The following RSRC1 variants were observed in gnomAD, a reference collection of about 807,000 sequenced individuals.
RSRC1 encodes serine/Arginine-related protein 53.
In RSRC1, 39 loss-of-function variants were observed where a neutral mutation model predicts 49.1. The ratio of observed to expected loss-of-function variants is 0.79; its 90% CI spans 0.61 to 1.04. The LOEUF (loss-of-function observed/expected upper bound fraction) is 1.04. Ranked by LOEUF, RSRC1 falls within the 50% of genes least tolerant of loss-of-function variation. The pLI is 0.00. For synonymous variants in RSRC1, 143 were observed against 130.8 expected, an observed-to-expected ratio of 1.09 and a Z score of -0.63; for missense variants, 388 against 402.4, an observed-to-expected ratio of 0.96 and a Z score of 0.31.
At chr3:158,348,776 A>G (rs1730705664) in intron 5 of RSRC1, among the ~76,000 whole-genome samples, 1 of 151,944 alleles carries the variant, frequency 6.6e-6, no homozygotes, top group Non-Finnish European at 1.5e-5. Context: ...TGTTTTCTCC[A>G]TCTTTATGTC....
intron 4 of RSRC1, among the ~76,000 whole-genome samples, chr3:158,267,860 A>AT (rs368565806): frequency 0.087 from 10,838 of 124,838 alleles, 611 homozygotes; most frequent in South Asian, 0.13. Context: ...TTCCATATCT[A>AT]TTTTTTTTTT....
At chr3:158,468,252 A>C (rs957390761) in intron 7 of RSRC1, among the ~76,000 whole-genome samples, 1 of 152,314 alleles carries the variant, frequency 6.6e-6, no homozygotes, top group South Asian at 2.1e-4. Context: ...ATTTTCTACA[A>C]ATACATTTCA....
At chr3:158,370,127 G>T (rs1446612984) in intron 6 of RSRC1, among the ~76,000 whole-genome samples, 2 of 151,894 alleles carry the variant, frequency 1.3e-5, no homozygotes, top group Non-Finnish European at 2.9e-5. Context: ...ATAACTAGAT[G>T]ATGTACATTA....
intron 5 of RSRC1, among the ~76,000 whole-genome samples, chr3:158,306,124 A>G (rs1727824842): frequency 6.6e-6 from 1 of 151,924 alleles, no homozygotes; most frequent in South Asian, 2.1e-4. Flanking sequence ...ATTATAAAGT[A>G]CCTTAATACG....
rs115611288 is a variant in RSRC1 at position 158,525,735 on chromosome 3, T to G, written c.653-11357T>G. On this transcript the variant is annotated intron_variant, in intron 7 of 9. Coordinates refer to ENST00000611884, the MANE Select transcript of RSRC1 (RefSeq NM_001271838.2). ...AATTCTACTAGCATTACCACAGATG[T>G]ACCCAACAACATGGATTTATCTCAG... Among the ~76,000 whole-genome samples, 866 of 152,090 alleles carry G rather than the reference T, an allele frequency of 5.7e-3. 2 individuals carry two copies. Among genetic ancestry groups the G allele is most frequent in the Non-Finnish European group, 0.01 (688 of 67,918 alleles).
chr3:158,251,575 C>A (rs1724210172), intron 4 of RSRC1, among the ~76,000 whole-genome samples: 1 of 151,964 alleles, frequency 6.6e-6, no homozygotes, highest in South Asian at 2.1e-4. Context: ...TTATTTGTGG[C>A]TATTGTAAAT....
chr3:158,455,766 G>A (rs888708442), intron 6 of RSRC1, among the ~76,000 whole-genome samples: 2 of 151,926 alleles, frequency 1.3e-5, no homozygotes, highest in African/African-American at 4.8e-5. Context: ...GATCACCTGA[G>A]GTCAGGAGTT....
intron 3 of RSRC1, among the ~76,000 whole-genome samples, chr3:158,188,943 G>A (rs1182537708): frequency 6.6e-6 from 1 of 151,364 alleles, no homozygotes; most frequent in African/African-American, 2.4e-5. Context: ...TTTCTTATAT[G>A]TACACTTATG....
chr3:158,368,071 C>T (rs1239489708), intron 6 of RSRC1, among the ~76,000 whole-genome samples: 1 of 152,136 alleles, frequency 6.6e-6, no homozygotes, highest in African/African-American at 2.4e-5. Flanking sequence ...TAGATTCTGA[C>T]AATATCACAG....
intron 3 of RSRC1, among the ~76,000 whole-genome samples, chr3:158,174,773 T>G (rs1393514271): frequency 6.6e-6 from 1 of 152,098 alleles, no homozygotes; most frequent in Non-Finnish European, 1.5e-5. Flanking sequence ...GATATCTAGA[T>G]TGTATCCATT....
At chr3:158,194,960 A>G (rs1033051049) in intron 3 of RSRC1, among the ~76,000 whole-genome samples, 4 of 152,066 alleles carry the variant, frequency 2.6e-5, no homozygotes, top group Non-Finnish European at 4.4e-5. Context: ...ATAAACATAC[A>G]TGTGCATGTG....
In RSRC1 at chr3:158,275,965, T is replaced by A; in HGVS notation, c.495-22074T>A. On this transcript the variant is annotated intron_variant, in intron 4 of 9. Coordinates refer to ENST00000611884, the MANE Select transcript of RSRC1 (RefSeq NM_001271838.2). ...ACATTTCCCTGTGCTTGTGGACTGGTTCGGTGATCCATGGGTGTCAGGATT... is the reference window on the plus strand; with the variant it reads ...ACATTTCCCTGTGCTTGTGGACTGGATCGGTGATCCATGGGTGTCAGGATT... The A allele has an allele frequency of 5.3e-6, 4 of 753,484 alleles. No homozygotes were observed. In the Admixed American group the frequency reaches 7.0e-5, roughly 13 times the overall value. 46.7% of individuals were successfully genotyped at this position (753,484 alleles called of 1,614,324 possible).
At chr3:158,516,817 C>T (rs563770032) in intron 7 of RSRC1, among the ~76,000 whole-genome samples, 152 of 152,320 alleles carry the variant, frequency 1.0e-3, no homozygotes, top group Non-Finnish European at 1.7e-3. Context: ...TTTTTAAGCC[C>T]GTCGGAAAAG....
At chr3:158,208,695 G>A (rs911375120) in intron 4 of RSRC1, among the ~76,000 whole-genome samples, 3 of 152,032 alleles carry the variant, frequency 2.0e-5, no homozygotes, top group African/African-American at 7.2e-5. Flanking sequence ...TTTTTATAAG[G>A]GATAATGTCT....
intron 3 of RSRC1, among the ~76,000 whole-genome samples, chr3:158,156,212 T>C (rs1192077742): frequency 6.6e-6 from 1 of 152,200 alleles, no homozygotes; most frequent in African/African-American, 2.4e-5. Context: ...TGAGTTCTTT[T>C]CTTAAACCTC....
intron 3 of RSRC1, among the ~76,000 whole-genome samples, chr3:158,182,285 T>C (rs1028885596): frequency 4.4e-4 from 67 of 152,180 alleles, no homozygotes; most frequent in Admixed American, 4.1e-3. Flanking sequence ...ATTTTTCAAG[T>C]TAATTACAAA....
At chr3:158,513,267 C>G (rs1740291041) in intron 7 of RSRC1, among the ~76,000 whole-genome samples, 1 of 150,646 alleles carries the variant, frequency 6.6e-6, no homozygotes, top group South Asian at 2.1e-4. Flanking sequence ...ATAGATAGCT[C>G]TTATTATTTT....
At chr3:158,518,976 G>C (rs1256705711) in intron 7 of RSRC1, among the ~76,000 whole-genome samples, 3 of 151,938 alleles carry the variant, frequency 2.0e-5, no homozygotes, top group Non-Finnish European at 4.4e-5. Flanking sequence ...TTTATCTGAA[G>C]TACAGGCTCT....
intron 5 of RSRC1, among the ~76,000 whole-genome samples, chr3:158,328,980 A>T (rs572658290): frequency 1.3e-5 from 2 of 151,940 alleles, no homozygotes; most frequent in East Asian, 3.9e-4. Flanking sequence ...ACTTCATTTC[A>T]TTCATTTGAT....
Sources: gnomAD v4.1 joint callset for allele counts (sites outside exome capture counted in the v4.1 genomes callset) on GRCh38, gnomAD v4.1.1 for gene constraint, MANE v1.5 for transcripts, NCBI Gene and HGNC (gene_info 2026-07-23, HGNC 2026-07-21) for gene names.